The following PRH2 variants were observed in gnomAD, a reference collection of about 807,000 sequenced individuals.
The protein encoded by PRH2 is proline rich protein HaeIII subfamily 2.
A neutral mutation model predicts 22.6 loss-of-function variants in PRH2; 19 were observed. The observed-to-expected ratio is 0.84, with a 90% confidence interval of 0.59 to 1.23. The LOEUF is 1.23. Among genes scored for constraint, PRH2 ranks in the 50% most tolerant of loss-of-function variants. The probability of loss-of-function intolerance (pLI) is 0.00; values close to 1 mark genes in which losing one functional copy is unlikely to be tolerated. For synonymous variants in PRH2, 45 were observed against 72.0 expected (o/e 0.63, Z 1.90); for missense variants, 109 against 203.0 (o/e 0.54, Z 2.81).
intron 1 of PRH2, 101 bp downstream of exon 1, chr12:10,929,438 G>C: frequency 6.9e-7 from 1 of 1,439,720 alleles, no homozygotes. Context: ...TGAGAAAACA[G>C]ATAGGACTGA....
intron 3 of PRH2, among the ~76,000 whole-genome samples, chr12:10,931,819 G>GTTT (rs1048990647): frequency 6.9e-6 from 1 of 145,110 alleles, no homozygotes. Context: ...TTATTGGTTA[G>GTTT]TTTTTTTTTT....
Position 10,930,671 on chromosome 12 carries a change from AC to A in PRH2, c.111del (p.Ser38LeufsTer5), listed in dbSNP as rs1565478750. On this transcript the variant is annotated frameshift_variant, in exon 3 of 4. Transcript: ENST00000396400. LOFTEE classifies it high-confidence loss of function. The part of the protein sequence containing the change: ...DVPLVISDGG[D>X]SEQFIDEERQ... ...GTTTCAACTCACACAGATGGAGGAG[AC>A]TCTGAGCAGTTCATAGATGAGGAGC... 6.2e-7 allele frequency: 1 copy of A among 1,613,682 alleles called. No individual in the cohort carries two copies. The highest frequency in any genetic ancestry group is 8.5e-7 in the Non-Finnish European group (1 of 1,179,790).
At chr12:10,931,760 A>T (rs1950217350) in intron 3 of PRH2, among the ~76,000 whole-genome samples, 1 of 152,172 alleles carries the variant, frequency 6.6e-6, no homozygotes, top group Non-Finnish European at 1.5e-5. Context: ...CTTATTGGAA[A>T]AATTTATTTC....
At position 10,932,304 on chromosome 12, in the gene PRH2, A is replaced by T; in HGVS notation, c.*97A>T. ...ATGCTCTAACTTCAATATACCAATA[A>T]AATAATCAGCTTGCAATTTCTGATT... On this transcript the variant is annotated 3_prime_UTR_variant, in exon 4 of 4. Coordinates refer to ENST00000396400, the MANE Select transcript of PRH2 (RefSeq NM_001110213.1). 2.6e-6 allele frequency: 1 copy of T among 377,924 alleles called. No individual in the cohort carries two copies. The highest frequency in any genetic ancestry group is 2.5e-5 in the Admixed American group (1 of 40,634). 23.4% of individuals were successfully genotyped at this position (377,924 alleles called of 1,614,324 possible).
chr12:10,934,380 G>A lies in PRH2; in HGVS notation c.*2173G>A, dbSNP rs1264554844. ...GAGATAGTCAAAGCTGTGAGGATTC[G>A]AAGATCTCTTTCACATCTTGACCCA... On this transcript the variant is annotated 3_prime_UTR_variant, in exon 4 of 4. Coordinates refer to ENST00000396400, the MANE Select transcript of PRH2 (RefSeq NM_001110213.1). Among the ~76,000 whole-genome samples, 3 of 152,006 alleles carry A rather than the reference G, an allele frequency of 2.0e-5. No individual in the cohort carries two copies. The highest frequency in any genetic ancestry group is 7.2e-5 in the African/African-American group (3 of 41,394).
chr12:10,929,455 C>A, intron 1 of PRH2, 118 bp downstream of exon 1: 1 of 1,272,942 alleles, frequency 7.9e-7, no homozygotes, highest in Non-Finnish European at 1.1e-6. Context: ...CTGAAGAGTT[C>A]TCATGCCAAG....
rs1165785606 is a variant in PRH2 at position 10,933,132 on chromosome 12, G to T, written c.*925G>T. Among the ~76,000 whole-genome samples, 1 of 152,042 alleles carries T rather than the reference G, an allele frequency of 6.6e-6. No homozygotes were observed. Among genetic ancestry groups the T allele is most frequent in the Non-Finnish European group, 1.5e-5 (1 of 67,954 alleles). On this transcript the variant is annotated 3_prime_UTR_variant, in exon 4 of 4. Coordinates refer to ENST00000396400, the MANE Select transcript of PRH2 (RefSeq NM_001110213.1). The stretch of plus-strand genomic sequence containing the variant: ...AAACAGATAATCTTCAGAGTAATCA[G>T]GTAAAGCTTAAACAAGTGTTTTAAA...
chr12:10,931,258 T>A, intron 3 of PRH2, 178 bp downstream of exon 3: 1 of 1,327,040 alleles, frequency 7.5e-7, no homozygotes. Context: ...AAACAATCTC[T>A]TGAAGGCAAT....
chr12:10,932,702 ACCTATTTTCC>A lies in PRH2; in HGVS notation c.*504_*513del, dbSNP rs1329277672. Among the ~76,000 whole-genome samples the A allele has an allele frequency of 6.6e-6, 1 of 152,014 alleles. No individual in the cohort carries two copies. The highest frequency in any genetic ancestry group is 1.5e-5 in the Non-Finnish European group (1 of 67,974). The stretch of plus-strand genomic sequence containing the variant: ...GCCTGTATTCCCCAGAAGCCACTAG[ACCTATTTTCC>A]CCTATTTTATCACTGATCAGTTCTG... On this transcript the variant is annotated 3_prime_UTR_variant, in exon 4 of 4. Transcript: ENST00000396400.
Position 10,934,556 on chromosome 12 carries a change from T to C in PRH2, c.*2349T>C, listed in dbSNP as rs973832387. ...GTCTAAATGCAACGCTGACAATTTC[T>C]TCATCTATCACATGTACCTGTTATA... On this transcript the variant is annotated 3_prime_UTR_variant, in exon 4 of 4. Transcript: ENST00000396400. Among the ~76,000 whole-genome samples the C allele has an allele frequency of 3.9e-5, 6 of 152,240 alleles. No homozygotes were observed. The South Asian group carries it at 1.2e-3, about 32-fold the overall frequency.
rs1950258706 is a variant in PRH2, at chr12:10,934,493, C to T, written c.*2286C>T. 6.6e-6 allele frequency among the ~76,000 whole-genome samples: 1 copy of T among 152,026 alleles called. No individual in the cohort carries two copies. ...TTATTATTATAATGAGGATACTATA[C>T]AAGGCATTTAGCATGGCTGCAAAGA... On this transcript the variant is annotated 3_prime_UTR_variant, in exon 4 of 4. Transcript: ENST00000396400.
intron 1 of PRH2, 37 bp from the exon 2 acceptor site, chr12:10,930,232 C>A (rs117728665): frequency 0.017 from 26,695 of 1,604,824 alleles, 283 homozygotes; most frequent in Middle Eastern, 0.033. Flanking sequence ...ATGATTCATG[C>A]AGTAACTTTT....
rs760684539 is a variant in PRH2 at position 10,930,270 on chromosome 12, T to C, written c.66T>C (p.Asp22=). ...CATCATCCTGTACTTCTTTTCTAGA[T>C]GTCAGCCAAGAAGACGTTCCCTTGG... The part of the protein sequence containing the change: ...AFSSAQDLDE[D]VSQEDVPLVI... Residue 22 remains aspartate (D), a splice_region_variant and synonymous_variant, in exon 2 of 4, where the codon GAT becomes GAC. Coordinates refer to ENST00000396400, the MANE Select transcript of PRH2 (RefSeq NM_001110213.1). The C allele has an allele frequency of 1.2e-6, 2 of 1,613,042 alleles. No individual in the cohort carries two copies. The highest frequency in any genetic ancestry group is 2.2e-5 in the East Asian group (1 of 44,878).
Position 10,934,472 on chromosome 12 carries a change from T to A in PRH2, c.*2265T>A, listed in dbSNP as rs1481272373. 6.6e-6 allele frequency among the ~76,000 whole-genome samples: 1 copy of A among 152,136 alleles called. No homozygotes were observed. Among genetic ancestry groups the A allele is most frequent in the Non-Finnish European group, 1.5e-5 (1 of 67,998 alleles). On this transcript the variant is annotated 3_prime_UTR_variant, in exon 4 of 4. Transcript: ENST00000396400. ...TTCCAATTAGGAATTATATATTTAT[T>A]ATTATAATGAGGATACTATACAAGG... is the stretch of plus-strand genomic sequence containing the variant.
In PRH2 at chr12:10,934,505, C is replaced by T. The variant is rs911546106; in HGVS notation, c.*2298C>T. On this transcript the variant is annotated 3_prime_UTR_variant, in exon 4 of 4. Transcript: ENST00000396400. ...TGAGGATACTATACAAGGCATTTAG[C>T]ATGGCTGCAAAGAGAGAGCTCCAAT... is the stretch of plus-strand genomic sequence containing the variant. Among the ~76,000 whole-genome samples, 2 of 152,092 alleles carry T rather than the reference C, an allele frequency of 1.3e-5. No homozygotes were observed. The highest frequency in any genetic ancestry group is 4.8e-5 in the African/African-American group (2 of 41,436).
intron 3 of PRH2, 131 bp downstream of exon 3, chr12:10,931,211 C>A: frequency 6.6e-7 from 1 of 1,511,850 alleles, no homozygotes; most frequent in Non-Finnish European, 8.8e-7. Flanking sequence ...GAGTTTTGTT[C>A]AAATATTCTG....
chr12:10,930,888 A>G lies in PRH2; in HGVS notation c.327A>G (p.Gln109=). The G allele has an allele frequency of 6.2e-7, 1 of 1,611,632 alleles. No individual in the cohort carries two copies. Among genetic ancestry groups the G allele is most frequent in the Non-Finnish European group, 8.5e-7 (1 of 1,178,818 alleles). ...CCCCTCCTCCTCAAGGAAGGCCACAAGGACCACCCCAACAGGGAGGCCATC... is the reference window on the plus strand; with the variant it reads ...CCCCTCCTCCTCAAGGAAGGCCACAGGGACCACCCCAACAGGGAGGCCATC... ...GHPPPPQGRP[Q]GPPQQGGHPR... The change falls in exon 3 of 4, where the codon CAA becomes CAG. Residue 109 remains glutamine (Q), a synonymous_variant. Transcript: ENST00000396400.
chr12:10,930,662 A>G lies in PRH2; in HGVS notation c.101A>G (p.Asp34Gly). 1 of 1,613,836 alleles carries G rather than the reference A, an allele frequency of 6.2e-7. No homozygotes were observed. Among genetic ancestry groups the G allele is most frequent in the Non-Finnish European group, 8.5e-7 (1 of 1,179,814 alleles). ...SQEDVPLVIS[D>G]GGDSEQFIDE... ...GCTCTTCTTGTTTCAACTCACACAG[A>G]TGGAGGAGACTCTGAGCAGTTCATA... Residue 34 changes from aspartate (D) to glycine (G), a missense_variant and splice_region_variant, in exon 3 of 4, where the codon GAT becomes GGT. Coordinates refer to ENST00000396400, the MANE Select transcript of PRH2 (RefSeq NM_001110213.1).
At position 10,930,286 on chromosome 12, in the gene PRH2, G is replaced by A. The variant is rs776898585; in HGVS notation, c.82G>A (p.Val28Ile). 4.3e-6 allele frequency: 7 copies of A among 1,613,216 alleles called. No homozygotes were observed. Among genetic ancestry groups the A allele is most frequent in the East Asian group, 2.2e-5 (1 of 44,890 alleles). The change falls in exon 2 of 4, where the codon GTT (valine) becomes ATT (isoleucine). Residue 28 changes from valine (V) to isoleucine (I), a missense_variant. Val to Ile is a conservative substitution (Grantham distance 29). Around this residue, in one of 4 missense-constraint regions of PRH2, gnomAD observed 54 missense variants for 60.5 expected, o/e 0.89. Coordinates refer to ENST00000396400, the MANE Select transcript of PRH2 (RefSeq NM_001110213.1). ...DLDEDVSQED[V>I]PLVISDGGDS... ...TTTTCTAGATGTCAGCCAAGAAGAC[G>A]TTCCCTTGGTAATATCAGGTAAATC... is the stretch of plus-strand genomic sequence containing the variant.
Sources: allele counts gnomAD v4.1 joint callset (sites outside exome capture counted in the v4.1 genomes callset), GRCh38; gene constraint gnomAD v4.1.1; regional missense constraint gnomAD v4.1.1; transcripts MANE v1.5; gene names NCBI Gene and HGNC (gene_info 2026-07-23, HGNC 2026-07-21).